Variants in GRM8 observed in about 807,000 individuals in gnomAD.
GRM8 encodes the protein metabotropic glutamate receptor 8.
In GRM8, 47 loss-of-function variants were observed where a neutral mutation model predicts 87.2. The ratio of observed to expected loss-of-function variants is 0.54; its 90% CI spans 0.43 to 0.69. The LOEUF is 0.69. GRM8 is among the 30% of genes least tolerant of loss of function. GRM8 has a pLI of 0.00. For synonymous variants in GRM8, 396 were observed against 404.5 expected (o/e 0.98, Z 0.25); for missense variants, 1,019 against 1,139.2 (o/e 0.89, Z 1.52).
At chr7:127,050,524 G>A (rs757312759) in intron 3 of GRM8, among the ~76,000 whole-genome samples, 9 of 152,146 alleles carry the variant, frequency 5.9e-5, no homozygotes, top group Non-Finnish European at 1.2e-4. Context: ...TAAATGGAGT[G>A]TCATCTTTTC....
intron 8 of GRM8, among the ~76,000 whole-genome samples, chr7:126,576,521 G>A (rs1415577252): frequency 2.0e-5 from 3 of 152,230 alleles, no homozygotes; most frequent in South Asian, 2.1e-4. Flanking sequence ...GAGGTGAAGC[G>A]ATTCATCCAT....
At chr7:126,474,744 T>A (rs916007218) in intron 9 of GRM8, among the ~76,000 whole-genome samples, 1 of 152,122 alleles carries the variant, frequency 6.6e-6, no homozygotes, top group Non-Finnish European at 1.5e-5. Flanking sequence ...AAGACTGGTA[T>A]GTAAGAAATA....
intron 3 of GRM8, among the ~76,000 whole-genome samples, chr7:126,973,142 G>GA (rs1473323970): frequency 6.6e-6 from 1 of 152,140 alleles, no homozygotes; most frequent in Non-Finnish European, 1.5e-5. Flanking sequence ...GAAACACCTG[G>GA]AAAAGCTTGT....
intron 2 of GRM8, among the ~76,000 whole-genome samples, chr7:127,110,577 A>G (rs1826251895): frequency 6.6e-6 from 1 of 152,202 alleles, no homozygotes; most frequent in South Asian, 2.1e-4. Context: ...ATTTGAGTCA[A>G]TTAATTATAC....
chr7:126,619,320 A>G (rs1475422311), intron 7 of GRM8, among the ~76,000 whole-genome samples: 2 of 152,180 alleles, frequency 1.3e-5, no homozygotes, highest in African/African-American at 4.8e-5. Context: ...TGGGAATTGA[A>G]CAGTGAGAAC....
chr7:126,838,255 A>C (rs1031557525), intron 6 of GRM8, among the ~76,000 whole-genome samples: 1 of 152,216 alleles, frequency 6.6e-6, no homozygotes, highest in Admixed American at 6.5e-5. Flanking sequence ...CTTGGGGGAA[A>C]AAAAAGACTC....
At chr7:127,024,335 G>A (rs1391529350) in intron 3 of GRM8, among the ~76,000 whole-genome samples, 1 of 152,110 alleles carries the variant, frequency 6.6e-6, no homozygotes, top group African/African-American at 2.4e-5. Flanking sequence ...CAATTGCTAT[G>A]AAGCTAAGGG....
intron 3 of GRM8, among the ~76,000 whole-genome samples, chr7:127,077,125 T>C (rs535300662): frequency 3.0e-4 from 46 of 152,324 alleles, no homozygotes; most frequent in African/African-American, 9.6e-4. Flanking sequence ...GGAGTGTGTG[T>C]GCAGATGTGT....
chr7:127,028,461 C>A (rs965366092), intron 3 of GRM8, among the ~76,000 whole-genome samples: 1 of 152,090 alleles, frequency 6.6e-6, no homozygotes, highest in Non-Finnish European at 1.5e-5. Context: ...TCTGTCTGGT[C>A]CTGGACTTTT....
intron 6 of GRM8, among the ~76,000 whole-genome samples, chr7:126,777,861 A>G (rs1362973406): frequency 2.0e-5 from 3 of 152,180 alleles, no homozygotes; most frequent in Admixed American, 1.3e-4. Flanking sequence ...AATGGCTGAA[A>G]TTCCCAAGCA....
intron 8 of GRM8, among the ~76,000 whole-genome samples, chr7:126,606,832 A>G (rs1221541387): frequency 2.0e-5 from 3 of 152,218 alleles, no homozygotes; most frequent in Non-Finnish European, 4.4e-5. Flanking sequence ...TTAAATGTAC[A>G]TAAAAGAGCA....
intron 8 of GRM8, among the ~76,000 whole-genome samples, chr7:126,595,859 T>C (rs1797136125): frequency 6.6e-6 from 1 of 152,158 alleles, no homozygotes; most frequent in South Asian, 2.1e-4. Context: ...ATAGTCCGGC[T>C]GGTCGCAGTA....
chr7:126,837,654 A>C (rs992162208), intron 6 of GRM8, among the ~76,000 whole-genome samples: 7 of 152,244 alleles, frequency 4.6e-5, no homozygotes, highest in African/African-American at 1.7e-4. Context: ...CAAGTGCCAG[A>C]TGAACATGAC....
chr7:127,181,294 T>TAAC (rs2116409482), intron 2 of GRM8, among the ~76,000 whole-genome samples: 1 of 151,506 alleles, frequency 6.6e-6, no homozygotes, highest in South Asian at 2.1e-4. Flanking sequence ...AACCAAGGGG[T>TAAC]CAAAAGACCT....
At position 127,109,673 on chromosome 7, in the gene GRM8, G is replaced by C. The variant is rs554781643; in HGVS notation, c.511-2961C>G. 3.3e-5 allele frequency among the ~76,000 whole-genome samples: 5 copies of C among 152,250 alleles called. No homozygotes were observed. The South Asian group carries it at 1.0e-3, about 32-fold the overall frequency. On this transcript the variant is annotated intron_variant, in intron 2 of 10. Coordinates refer to ENST00000339582, the MANE Select transcript of GRM8 (RefSeq NM_000845.3). Reference sequence around the variant, plus strand: ...CTAACATTAGAATCATGACTCTGCTGGCTTATGATCCTCTCAAGACCAAGC... The same window carrying C: ...CTAACATTAGAATCATGACTCTGCTCGCTTATGATCCTCTCAAGACCAAGC...
chr7:126,558,942 A>C (rs745788849), intron 8 of GRM8, among the ~76,000 whole-genome samples: 7 of 152,284 alleles, frequency 4.6e-5, no homozygotes, highest in Non-Finnish European at 8.8e-5. Context: ...TTCAAGAATC[A>C]AGCTAGGTGG....
In GRM8 at chr7:126,598,538, T is replaced by C. The variant is rs182914769; in HGVS notation, c.1494+10824A>G. On this transcript the variant is annotated intron_variant, in intron 8 of 10. Transcript: ENST00000339582. ...CACCCTTTATTCCTTCTTCCTAATG[T>C]CCTCACTTATTTATTTGTCCTACTG... Among the ~76,000 whole-genome samples, 58 of 152,262 alleles carry C rather than the reference T, an allele frequency of 3.8e-4. 1 individual carries two copies. The highest frequency in any genetic ancestry group is 3.1e-3 in the Admixed American group (48 of 15,266).
intron 9 of GRM8, among the ~76,000 whole-genome samples, chr7:126,475,153 G>C (rs1406736397): frequency 1.3e-5 from 2 of 151,890 alleles, no homozygotes; most frequent in African/African-American, 2.4e-5. Flanking sequence ...AGAATAAAAA[G>C]ATAAACGTCA....
chr7:126,668,214 T>A (rs10234189), intron 7 of GRM8, among the ~76,000 whole-genome samples: 104,326 of 151,930 alleles, frequency 0.69, 36,698 homozygotes, highest in African/African-American at 0.85. Context: ...TTTTCATCCA[T>A]TAAAACCCTA....
Sources: allele counts gnomAD v4.1 joint callset (sites outside exome capture counted in the v4.1 genomes callset), GRCh38; gene constraint gnomAD v4.1.1; transcripts MANE v1.5; gene names NCBI Gene and HGNC (gene_info 2026-07-23, HGNC 2026-07-21).